The following PLCL2 variants were observed in gnomAD, a reference collection of about 807,000 sequenced individuals.
PLCL2 encodes inactive phospholipase C-like protein 2.
A neutral mutation model predicts 79.6 loss-of-function variants in PLCL2; 4 were observed. That is an observed-to-expected ratio of 0.05 (90% CI 0.02 to 0.11). PLCL2 has a LOEUF of 0.11. Among genes scored for constraint, PLCL2 ranks in the 10% least tolerant of loss-of-function variants. The pLI, the probability that PLCL2 is intolerant of heterozygous loss-of-function variation, is 1.00. For synonymous variants in PLCL2, 484 were observed against 457.7 expected (o/e 1.06, Z -0.73); for missense variants, 895 against 1,291.0 (o/e 0.69, Z 4.70).
chr3:17,076,817 C>T (rs866568165), intron 5 of PLCL2, among the ~76,000 whole-genome samples: 3 of 151,982 alleles, frequency 2.0e-5, no homozygotes, highest in Non-Finnish European at 4.4e-5. Flanking sequence ...TTTTTTAATT[C>T]TTGATATTTT....
At chr3:16,927,093 G>C (rs1697274060) in intron 1 of PLCL2, among the ~76,000 whole-genome samples, 1 of 152,116 alleles carries the variant, frequency 6.6e-6, no homozygotes, top group African/African-American at 2.4e-5. Flanking sequence ...TTTGAACACA[G>C]ACTAATTTTT....
intron 1 of PLCL2, among the ~76,000 whole-genome samples, chr3:16,997,809 A>G (rs1230278729): frequency 6.6e-6 from 1 of 152,136 alleles, no homozygotes; most frequent in Non-Finnish European, 1.5e-5. Context: ...AAGTGCTGGG[A>G]TTACAGGCAT....
At chr3:17,089,043 C>A (rs1293601484) in intron 5 of PLCL2, among the ~76,000 whole-genome samples, 2 of 152,086 alleles carry the variant, frequency 1.3e-5, no homozygotes, top group African/African-American at 4.8e-5. Context: ...CGGCTGCCAG[C>A]ACTTACCAAA....
chr3:16,956,370 G>T (rs897494979), intron 1 of PLCL2, among the ~76,000 whole-genome samples: 1 of 152,128 alleles, frequency 6.6e-6, no homozygotes. Context: ...TGCATCCCGG[G>T]GATGAAGCCC....
rs373951731 is a variant in PLCL2, at chr3:16,979,170, G to A, written c.328-30504G>A. ...GTGACTTACGTATTATAGGCCACAT[G>A]TATTTTGTGGTTAAAAGCCTCAATT... On this transcript the variant is annotated intron_variant, in intron 1 of 5. Coordinates refer to ENST00000615277, the MANE Select transcript of PLCL2 (RefSeq NM_001144382.2). 4.6e-5 allele frequency among the ~76,000 whole-genome samples: 7 copies of A among 152,228 alleles called. 1 individual carries two copies.
intron 1 of PLCL2, among the ~76,000 whole-genome samples, chr3:16,934,228 C>T (rs1697483719): frequency 6.6e-6 from 1 of 152,094 alleles, no homozygotes; most frequent in Non-Finnish European, 1.5e-5. Context: ...ATAATGTGGC[C>T]AGTGCTGTGG....
At chr3:17,077,840 A>G (rs1034142759) in intron 5 of PLCL2, among the ~76,000 whole-genome samples, 2 of 152,186 alleles carry the variant, frequency 1.3e-5, no homozygotes, top group South Asian at 2.1e-4. Flanking sequence ...TCATGACAAT[A>G]GCAAGCTGTT....
At chr3:16,986,637 A>G (rs1375630991) in intron 1 of PLCL2, among the ~76,000 whole-genome samples, 1 of 151,994 alleles carries the variant, frequency 6.6e-6, no homozygotes, top group Non-Finnish European at 1.5e-5. Flanking sequence ...TCCTGACCTC[A>G]AGTGATCTGC....
intron 4 of PLCL2, among the ~76,000 whole-genome samples, chr3:17,049,850 A>G (rs892009809): frequency 3.9e-5 from 6 of 152,224 alleles, no homozygotes; most frequent in Admixed American, 3.9e-4. Context: ...TTTATATGGA[A>G]CCCCTAAAGA....
At chr3:17,041,231 C>T (rs1026540734) in intron 3 of PLCL2, among the ~76,000 whole-genome samples, 1 of 152,124 alleles carries the variant, frequency 6.6e-6, no homozygotes, top group Non-Finnish European at 1.5e-5. Context: ...TGACTCAGAT[C>T]TTGAAGAATG....
At chr3:16,955,754 A>G (rs1476969611) in intron 1 of PLCL2, among the ~76,000 whole-genome samples, 1 of 152,100 alleles carries the variant, frequency 6.6e-6, no homozygotes, top group Non-Finnish European at 1.5e-5. Flanking sequence ...ATCCCTTGTA[A>G]GCTGGATTCC....
intron 4 of PLCL2, among the ~76,000 whole-genome samples, chr3:17,065,742 T>G (rs2065003242): frequency 6.6e-6 from 1 of 152,242 alleles, no homozygotes. Context: ...TATGTGGTCC[T>G]GCGTTAGTTA....
chr3:17,051,749 T>C (rs2064841309), intron 4 of PLCL2, among the ~76,000 whole-genome samples: 2 of 152,196 alleles, frequency 1.3e-5, no homozygotes, highest in African/African-American at 2.4e-5. Context: ...TTGTACAACA[T>C]GGAGGCCTGA....
chr3:16,959,914 G>A (rs2124967992), intron 1 of PLCL2, among the ~76,000 whole-genome samples: 1 of 152,192 alleles, frequency 6.6e-6, no homozygotes, highest in South Asian at 2.1e-4. Flanking sequence ...GACCATCCTG[G>A]CTAACATAGT....
chr3:17,073,589 G>A (rs12330778), intron 5 of PLCL2, among the ~76,000 whole-genome samples: 2,627 of 152,218 alleles, frequency 0.017, 77 homozygotes, highest in African/African-American at 0.06. Flanking sequence ...TCTCTGTAGC[G>A]TGCAATGCTG....
intron 1 of PLCL2, among the ~76,000 whole-genome samples, chr3:16,960,391 G>A (rs1414122324): frequency 6.6e-6 from 1 of 152,126 alleles, no homozygotes; most frequent in Non-Finnish European, 1.5e-5. Context: ...TCACTGCCTA[G>A]TGACAATTTC....
chr3:16,949,282 G>A (rs763588100), intron 1 of PLCL2, among the ~76,000 whole-genome samples: 4 of 151,538 alleles, frequency 2.6e-5, no homozygotes, highest in Admixed American at 6.6e-5. Context: ...GTGCCACTGC[G>A]CTCTCCCTCT....
intron 5 of PLCL2, among the ~76,000 whole-genome samples, chr3:17,085,778 C>G (rs1324658302): frequency 6.7e-6 from 1 of 149,738 alleles, no homozygotes; most frequent in African/African-American, 2.4e-5. Context: ...CAGCAAAGAA[C>G]AAGTGGAATT....
intron 3 of PLCL2, among the ~76,000 whole-genome samples, chr3:17,031,997 C>G (rs2064588795): frequency 7.4e-6 from 1 of 135,320 alleles, no homozygotes; most frequent in South Asian, 2.5e-4. Flanking sequence ...ACTACAAGAT[C>G]AAATTCAAAA....
Sources: gnomAD v4.1 joint callset for allele counts (sites outside exome capture counted in the v4.1 genomes callset) on GRCh38, gnomAD v4.1.1 for gene constraint, MANE v1.5 for transcripts, NCBI Gene and HGNC (gene_info 2026-07-23, HGNC 2026-07-21) for gene names.